Variants in ZNF567 observed in about 807,000 individuals in gnomAD.
ZNF567 encodes zinc finger protein 567.
A neutral mutation model predicts 53.9 loss-of-function variants in ZNF567; 36 were observed. The observed-to-expected ratio is 0.67, with a 90% CI of 0.51 to 0.88. The LOEUF (loss-of-function observed/expected upper bound fraction) is 0.88. ZNF567 is among the 40% of genes least tolerant of loss of function. The pLI is 0.00. For missense variants in ZNF567, 619 were observed against 764.7 expected, an observed-to-expected ratio of 0.81 and a Z score of 2.25; for synonymous variants, 224 against 260.4, an observed-to-expected ratio of 0.86 and a Z score of 1.35.
At chr19:36,690,773 C>T (rs949392341) in intron 2 of ZNF567, among the ~76,000 whole-genome samples, 3 of 152,066 alleles carry the variant, frequency 2.0e-5, no homozygotes, top group Non-Finnish European at 4.4e-5. Context: ...ACCATTGAAT[C>T]GTATACTTTA....
chr19:36,669,564 T>C, the ZNF567 span, among the ~76,000 whole-genome samples: 7 of 152,168 alleles, frequency 4.6e-5, no homozygotes, highest in African/African-American at 1.7e-4. Flanking sequence ...TCCATATCCA[T>C]AGTGTCTATT....
chr19:36,683,222 C>T (rs746362480), upstream of ZNF567, among the ~76,000 whole-genome samples: 4 of 151,820 alleles, frequency 2.6e-5, no homozygotes, highest in African/African-American at 4.8e-5. Flanking sequence ...ACAGGTGCAC[C>T]ACCACACCCA....
At chr19:36,700,751 G>C (rs527673173) in intron 3 of ZNF567, among the ~76,000 whole-genome samples, 16 of 152,278 alleles carry the variant, frequency 1.1e-4, no homozygotes, top group African/African-American at 3.8e-4. Flanking sequence ...TTGTATTTCT[G>C]TGGGATCGGT....
chr19:36,725,343 C>T (rs941660506), downstream of ZNF567, among the ~76,000 whole-genome samples: 4 of 152,044 alleles, frequency 2.6e-5, no homozygotes, highest in East Asian at 1.9e-4. Context: ...GCTGGGATTA[C>T]AGGTGCATGC....
the ZNF567 span, among the ~76,000 whole-genome samples, chr19:36,670,835 C>G: frequency 6.6e-6 from 1 of 152,174 alleles, no homozygotes; most frequent in Non-Finnish European, 1.5e-5. Flanking sequence ...GGCGTGGTGG[C>G]TCACACCTGT....
Position 36,720,108 on chromosome 19 carries a change from A to G in ZNF567, c.1384A>G (p.Thr462Ala), listed in dbSNP as rs1181316979. 6.2e-7 allele frequency: 1 copy of G among 1,614,130 alleles called. No homozygotes were observed. The highest frequency in any genetic ancestry group is 1.1e-5 in the South Asian group (1 of 91,072). ...SECGKSFRQKTTLVAHQRTHT... is the reference protein window; with the variant it reads ...SECGKSFRQKATLVAHQRTHT... ...ATGTGGAAAGTCCTTCCGCCAGAAG[A>G]CAACCCTTGTAGCACATCAGAGAAC... The change falls in exon 6 of 6, where the codon ACA becomes GCA. Residue 462 changes from threonine (T) to alanine (A), a missense_variant. Transcript: ENST00000682579.
intron 2 of ZNF567, among the ~76,000 whole-genome samples, chr19:36,692,855 G>A (rs1043564850): frequency 6.6e-6 from 1 of 152,152 alleles, no homozygotes; most frequent in Non-Finnish European, 1.5e-5. Context: ...AGACTGAGAA[G>A]TGCCTATGGT....
intron 3 of ZNF567, among the ~76,000 whole-genome samples, chr19:36,702,774 A>G (rs1600529939): frequency 6.6e-6 from 1 of 152,180 alleles, no homozygotes; most frequent in African/African-American, 2.4e-5. Flanking sequence ...TTTCAGCTCC[A>G]TCAGCTCCTT....
At position 36,704,737 on chromosome 19, in the gene ZNF567, C is replaced by G. The variant is rs73929178; in HGVS notation, c.10-7649C>G. The stretch of plus-strand genomic sequence containing the variant: ...TCATAAATGAATTGGGTTGTATTCT[C>G]TCCTCTTATTATTTTCTGAAAGAAT... On this transcript the variant is annotated intron_variant, in intron 3 of 5. Coordinates refer to ENST00000682579, the MANE Select transcript of ZNF567 (RefSeq NM_001322917.1). Among the ~76,000 whole-genome samples the G allele has an allele frequency of 2.3e-3, 351 of 152,098 alleles. 1 individual carries two copies. The highest frequency in any genetic ancestry group is 8.0e-3 in the African/African-American group (330 of 41,488).
At chr19:36,671,019 T>A in the ZNF567 span, among the ~76,000 whole-genome samples, 1 of 152,310 alleles carries the variant, frequency 6.6e-6, no homozygotes, top group South Asian at 2.1e-4. Flanking sequence ...GGAGAATTGC[T>A]TGAACCCAGG....
intron 3 of ZNF567, among the ~76,000 whole-genome samples, chr19:36,704,408 G>A (rs536664852): frequency 6.6e-6 from 1 of 152,104 alleles, no homozygotes; most frequent in Admixed American, 6.5e-5. Flanking sequence ...GCAACAAAGA[G>A]TAAAACTCCA....
rs930049307 is a variant in ZNF567 at position 36,719,962 on chromosome 19, G to T, written c.1238G>T (p.Arg413Ile). 6 of 1,613,968 alleles carry T rather than the reference G, an allele frequency of 3.7e-6. No individual in the cohort carries two copies. Among genetic ancestry groups the T allele is most frequent in the Non-Finnish European group, 4.2e-6 (5 of 1,179,986 alleles). The change falls in exon 6 of 6, where the codon AGA becomes ATA. Residue 413 changes from arginine (R) to isoleucine (I), a missense_variant. By Grantham distance (97) the Arg-to-Ile change is moderately conservative. Transcript: ENST00000682579. ...AAGGCAAATCTTACTGTACATCAGA[G>T]AACTCATACAGGGGAAAAGCCCTAT... The part of the protein sequence containing the change: ...HQKANLTVHQ[R>I]THTGEKPYIC...
the ZNF567 span, among the ~76,000 whole-genome samples, chr19:36,667,356 G>A: frequency 2.0e-5 from 3 of 151,574 alleles, no homozygotes; most frequent in Non-Finnish European, 4.4e-5. Flanking sequence ...TACAAAATTA[G>A]CCGGGCGTGA....
chr19:36,712,881 T>C lies in ZNF567; in HGVS notation c.223+14T>C, dbSNP rs1428987155. 1 of 1,607,164 alleles carries C rather than the reference T, an allele frequency of 6.2e-7. No individual in the cohort carries two copies. The highest frequency in any genetic ancestry group is 2.2e-5 in the East Asian group (1 of 44,852). On this transcript the variant is annotated intron_variant, in intron 5 of 5. Coordinates refer to ENST00000682579, the MANE Select transcript of ZNF567 (RefSeq NM_001322917.1). ...ATACCTGCTTGGGTGAGTTTCTGGCTCTTAGGCAGACACAGTCTAGCAGAA... is the reference window on the plus strand; with the variant it reads ...ATACCTGCTTGGGTGAGTTTCTGGCCCTTAGGCAGACACAGTCTAGCAGAA...
intron 2 of ZNF567, among the ~76,000 whole-genome samples, chr19:36,689,856 G>A (rs748081754): frequency 3.9e-5 from 6 of 152,076 alleles, no homozygotes; most frequent in Non-Finnish European, 7.4e-5. Flanking sequence ...TTGTAAAAAA[G>A]GGAGAATCAC....
chr19:36,707,426 A>G (rs1212870928), intron 3 of ZNF567, among the ~76,000 whole-genome samples: 2 of 152,054 alleles, frequency 1.3e-5, no homozygotes, highest in East Asian at 3.9e-4. Flanking sequence ...TTCAATGTGT[A>G]ATCTGTTGTT....
In ZNF567 at chr19:36,720,888, T is replaced by C. The variant is rs1412220557; in HGVS notation, c.*220T>C. On this transcript the variant is annotated 3_prime_UTR_variant, in exon 6 of 6. Coordinates refer to ENST00000682579, the MANE Select transcript of ZNF567 (RefSeq NM_001322917.1). ...TATGAAGCTAAATTTTAAAGTCAAC[T>C]GCTCTTCCTACTGACTCAAATAGTT... The C allele has an allele frequency of 2.8e-6, 1 of 354,170 alleles. No individual in the cohort carries two copies. The highest frequency in any genetic ancestry group is 5.0e-6 in the Non-Finnish European group (1 of 199,998). The allele number at this position is 354,170 out of a possible 1,614,324, so 21.9% of individuals were successfully genotyped here. A position where few individuals can be genotyped will look rare whatever the true frequency, so the allele number is the denominator to read the frequency against.
the ZNF567 span, chr19:36,668,735 C>T: frequency 6.6e-6 from 1 of 152,244 alleles, no homozygotes; most frequent in South Asian, 2.1e-4. Context: ...TGCTGAGAGA[C>T]CAGTAACTCC....
chr19:36,667,770 C>G, the ZNF567 span, among the ~76,000 whole-genome samples: 1 of 151,530 alleles, frequency 6.6e-6, no homozygotes, highest in African/African-American at 2.4e-5. Flanking sequence ...CTGCCTCAGC[C>G]TCCCGAGTAG....
Sources: gnomAD v4.1 joint callset for allele counts (sites outside exome capture counted in the v4.1 genomes callset) on GRCh38, gnomAD v4.1.1 for gene constraint, MANE v1.5 for transcripts, NCBI Gene and HGNC (gene_info 2026-07-23, HGNC 2026-07-21) for gene names.